SLC12A1: variants seen among roughly 807,000 people sequenced by gnomAD.
SLC12A1 encodes the protein Na-K-2Cl cotransporter.
A neutral mutation model predicts 130.4 loss-of-function variants in SLC12A1; 89 were observed. The ratio of observed to expected loss-of-function variants is 0.68; its 90% CI spans 0.58 to 0.81. The LOEUF is 0.81. SLC12A1 is among the 40% of genes least tolerant of loss of function. SLC12A1 has a pLI of 0.00. For missense variants in SLC12A1, 1,310 were observed against 1,336.4 expected, an observed-to-expected ratio of 0.98 and a Z score of 0.31; for synonymous variants, 499 against 460.0, an observed-to-expected ratio of 1.08 and a Z score of -1.09.
At chr15:48,233,548 T>C (rs1352827525) in intron 8 of SLC12A1, among the ~76,000 whole-genome samples, 1 of 152,236 alleles carries the variant, frequency 6.6e-6, no homozygotes, top group African/African-American at 2.4e-5. Context: ...TGTGATAACA[T>C]CACAGAGCAT....
chr15:48,233,244 T>C (rs755098440), intron 8 of SLC12A1, among the ~76,000 whole-genome samples: 20 of 152,164 alleles, frequency 1.3e-4, no homozygotes, highest in Admixed American at 3.9e-4. Flanking sequence ...GGGTCTCAGA[T>C]TTTCCTGCCA....
chr15:48,280,024 T>A (rs1394666430), intron 20 of SLC12A1, among the ~76,000 whole-genome samples: 5 of 152,144 alleles, frequency 3.3e-5, no homozygotes, highest in Non-Finnish European at 7.4e-5. Flanking sequence ...AGAAAAAGGA[T>A]GCTGTAAAAT....
rs1391123044 is a variant in SLC12A1 at position 48,229,347 on chromosome 15, T to C, written c.864+19T>C. ...TCTTAAGGTAATTAAAAGCTTTTCT[T>C]TTTTTCTGCCAAGCAGCATAATTTA... On this transcript the variant is annotated intron_variant, in intron 6 of 26. Coordinates refer to ENST00000380993, the MANE Select transcript of SLC12A1 (RefSeq NM_000338.3). The C allele has an allele frequency of 3.2e-6, 5 of 1,573,972 alleles. No homozygotes were observed. The highest frequency in any genetic ancestry group is 4.3e-6 in the Non-Finnish European group (5 of 1,158,322).
intron 23 of SLC12A1, 56 bp downstream of exon 23, chr15:48,288,572 CT>C (rs2042084871): frequency 1.2e-6 from 1 of 833,818 alleles, no homozygotes; most frequent in African/African-American, 1.7e-5. Context: ...TGCTTTAATG[CT>C]TTAATTTTAA....
At chr15:48,259,481 C>T (rs902791702) in intron 17 of SLC12A1, among the ~76,000 whole-genome samples, 170 bp downstream of exon 17, 2 of 152,152 alleles carry the variant, frequency 1.3e-5, no homozygotes, top group Non-Finnish European at 2.9e-5. Flanking sequence ...GCCCGTGATC[C>T]TGAATTTAAA....
chr15:48,262,421 GATTTGAAATTAATTTCAAATAATCATT>G (rs1245248030), intron 17 of SLC12A1, among the ~76,000 whole-genome samples: 1 of 152,124 alleles, frequency 6.6e-6, no homozygotes, highest in African/African-American at 2.4e-5. Flanking sequence ...ATCATTATTT[GATTTGAAATTAATTTCAAATAATCATT>G]ATTTGAAATT....
chr15:48,266,754 G>C (rs1233133966), intron 17 of SLC12A1, among the ~76,000 whole-genome samples: 1 of 152,032 alleles, frequency 6.6e-6, no homozygotes, highest in East Asian at 1.9e-4. Context: ...AATAACTTTT[G>C]GATTGAATTA....
At chr15:48,256,889 A>C (rs1192439153) in intron 16 of SLC12A1, among the ~76,000 whole-genome samples, 2 of 146,380 alleles carry the variant, frequency 1.4e-5, no homozygotes, top group African/African-American at 5.1e-5. Flanking sequence ...AGTCCCCCAA[A>C]GTCTTAACTC....
intron 19 of SLC12A1, among the ~76,000 whole-genome samples, chr15:48,272,961 A>G (rs1005061406): frequency 2.6e-5 from 4 of 152,006 alleles, no homozygotes; most frequent in Non-Finnish European, 4.4e-5. Context: ...TACAAAAATT[A>G]GCCTGGCGTG....
In SLC12A1 at chr15:48,282,580, T is replaced by A. The variant is rs116931659; in HGVS notation, c.2486-2526T>A. Among the ~76,000 whole-genome samples the A allele has an allele frequency of 1.7e-3, 261 of 151,934 alleles. 5 individuals carry two copies. In the East Asian group the frequency reaches 0.048, roughly 28 times the overall value. On this transcript the variant is annotated intron_variant, in intron 20 of 26. Coordinates refer to ENST00000380993, the MANE Select transcript of SLC12A1 (RefSeq NM_000338.3). The stretch of plus-strand genomic sequence containing the variant: ...TGCAAAGAGCAGGTTACCCCATAAG[T>A]GGCCCCTGCAATACCCCAGAAGACA...
intron 2 of SLC12A1, among the ~76,000 whole-genome samples, chr15:48,212,606 C>A (rs183393664): frequency 1.3e-5 from 2 of 152,308 alleles, no homozygotes; most frequent in South Asian, 2.1e-4. Context: ...TTCCTTACTA[C>A]AGGACTAACC....
At chr15:48,218,755 C>T (rs377646216) in intron 2 of SLC12A1, among the ~76,000 whole-genome samples, 1 of 152,168 alleles carries the variant, frequency 6.6e-6, no homozygotes, top group South Asian at 2.1e-4. Context: ...CAGAGCCTTC[C>T]CCAGTGGTTT....
rs1278124471 is a variant in SLC12A1 at position 48,301,482 on chromosome 15, TTTTG to T, written c.3164+104_3164+107del. 4 of 705,824 alleles carry T rather than the reference TTTTG, an allele frequency of 5.7e-6. No individual in the cohort carries two copies. The Admixed American group carries it at 1.0e-4, about 18-fold the overall frequency. 43.7% of individuals were successfully genotyped at this position (705,824 alleles called of 1,614,324 possible). ...TGGGACTCTTCAGGTGGGAATTTTG[TTTTG>T]TTTTTGTGTTTTTTTTGGGGGGGGG... is the stretch of plus-strand genomic sequence containing the variant. On this transcript the variant is annotated intron_variant, in intron 26 of 26. Coordinates refer to ENST00000380993, the MANE Select transcript of SLC12A1 (RefSeq NM_000338.3).
chr15:48,207,717 A>C lies in SLC12A1; in HGVS notation c.-3A>C. ...TAGCTCAGTAAAAAATCAATTTTGG[A>C]AGATGTCACTGAACAACTCTTCCAA... On this transcript the variant is annotated 5_prime_UTR_variant, in exon 2 of 27. Transcript: ENST00000380993. The C allele has an allele frequency of 6.5e-7, 1 of 1,546,854 alleles. No homozygotes were observed.
At chr15:48,283,125 A>G (rs2042024728) in intron 20 of SLC12A1, among the ~76,000 whole-genome samples, 1 of 152,218 alleles carries the variant, frequency 6.6e-6, no homozygotes, top group Non-Finnish European at 1.5e-5. Context: ...GTTTTGCATG[A>G]CTAGGCCCAT....
chr15:48,295,946 T>C (rs932809675), intron 24 of SLC12A1, among the ~76,000 whole-genome samples: 5 of 152,194 alleles, frequency 3.3e-5, no homozygotes, highest in Admixed American at 6.5e-5. Context: ...GGATGGCCAC[T>C]AGTAGCGCGT....
intron 2 of SLC12A1, among the ~76,000 whole-genome samples, chr15:48,218,443 T>A (rs898760664): frequency 5.9e-5 from 9 of 151,956 alleles, no homozygotes; most frequent in Admixed American, 5.2e-4. Context: ...GAAGTCAAAG[T>A]CACTTGGAGT....
chr15:48,221,234 CT>C, intron 4 of SLC12A1: 1 of 674,406 alleles, frequency 1.5e-6, no homozygotes, highest in South Asian at 1.6e-5. Flanking sequence ...AGATCTCTCT[CT>C]TTTGATAGAG....
At chr15:48,245,203 C>G (rs569351919) in intron 11 of SLC12A1, among the ~76,000 whole-genome samples, 6 of 152,156 alleles carry the variant, frequency 3.9e-5, no homozygotes, top group South Asian at 2.1e-4. Flanking sequence ...TGGAAAGGAA[C>G]CTAGATTAGT....
Sources: allele counts gnomAD v4.1 joint callset (sites outside exome capture counted in the v4.1 genomes callset), GRCh38; gene constraint gnomAD v4.1.1; transcripts MANE v1.5; gene names NCBI Gene and HGNC (gene_info 2026-07-23, HGNC 2026-07-21).